BANF2: variants seen among roughly 807,000 people sequenced by gnomAD.
The protein encoded by BANF2 is barrier-to-autointegration factor-like protein.
BANF2 carries 4 observed loss-of-function variants against 8.0 expected under a neutral mutation model. The ratio of observed to expected loss-of-function variants is 0.50; its 90% CI spans 0.25 to 1.14. The LOEUF (loss-of-function observed/expected upper bound fraction) is 1.14, where lower values mean the gene tolerates loss of function less well. Ranked by LOEUF, BANF2 falls within the 50% of genes most tolerant of loss-of-function variation. The pLI is 0.16. For missense variants in BANF2, 96 were observed against 107.5 expected (o/e 0.89, Z 0.47); for synonymous variants, 50 against 40.6 (o/e 1.23, Z -0.88).
intron 3 of BANF2, among the ~76,000 whole-genome samples, chr20:17,733,222 A>G (rs2037927758): frequency 6.6e-6 from 1 of 152,196 alleles, no homozygotes. Flanking sequence ...CAGGGGATGC[A>G]TTAGCCTCCA....
chr20:17,708,634 A>G (rs971937217), intron 1 of BANF2, among the ~76,000 whole-genome samples: 1 of 152,104 alleles, frequency 6.6e-6, no homozygotes, highest in South Asian at 2.1e-4. Flanking sequence ...GCGCCCTTGC[A>G]CTGTTTTCTT....
chr20:17,723,515 G>C (rs1451677593), intron 2 of BANF2, among the ~76,000 whole-genome samples: 1 of 152,192 alleles, frequency 6.6e-6, no homozygotes, highest in Non-Finnish European at 1.5e-5. Context: ...GGTAGCATGT[G>C]CTAATAACAC....
intron 3 of BANF2, among the ~76,000 whole-genome samples, chr20:17,725,811 G>T (rs1031363108): frequency 6.6e-6 from 1 of 152,196 alleles, no homozygotes; most frequent in African/African-American, 2.4e-5. Context: ...GCCCGGTCAG[G>T]AGAGGCACCA....
chr20:17,702,324 G>A (rs1284376300), intron 1 of BANF2, among the ~76,000 whole-genome samples: 3 of 152,160 alleles, frequency 2.0e-5, no homozygotes, highest in African/African-American at 2.4e-5. Flanking sequence ...TCACTGGCCC[G>A]GCCCCTCACT....
chr20:17,707,657 G>A (rs111443609), intron 1 of BANF2, among the ~76,000 whole-genome samples: 6,546 of 151,904 alleles, frequency 0.043, 487 homozygotes, highest in African/African-American at 0.15. Context: ...TCGGCTCATT[G>A]CCACATCCAC....
At chr20:17,699,313 C>T (rs1321132025), upstream of BANF2, among the ~76,000 whole-genome samples, 1 of 152,150 alleles carries the variant, frequency 6.6e-6, no homozygotes, top group Admixed American at 6.5e-5. Flanking sequence ...TCTTTTTAGG[C>T]TTAGTAAATA....
At chr20:17,725,267 G>T in intron 3 of BANF2, 116 bp downstream of exon 3, 2 of 1,323,628 alleles carry the variant, frequency 1.5e-6, no homozygotes, top group Non-Finnish European at 1.0e-6. Context: ...GAGCAAAGCT[G>T]CCGCTTGGCG....
Position 17,729,916 on chromosome 20 carries a change from C to T in BANF2, c.126+4765C>T, listed in dbSNP as rs555264684. On this transcript the variant is annotated intron_variant, in intron 3 of 3. Coordinates refer to ENST00000246090, the MANE Select transcript of BANF2 (RefSeq NM_178477.5). ...CCCCACCTATGGGTAGGTGAATTTT[C>T]AGACATCCCCCGAATGCAGAACTGT... 2.6e-5 allele frequency among the ~76,000 whole-genome samples: 4 copies of T among 152,334 alleles called. No individual in the cohort carries two copies. The East Asian group carries it at 7.7e-4, about 29-fold the overall frequency.
At chr20:17,718,391 G>T (rs190087983) in intron 1 of BANF2, among the ~76,000 whole-genome samples, 1 of 152,038 alleles carries the variant, frequency 6.6e-6, no homozygotes, top group African/African-American at 2.4e-5. Flanking sequence ...TTTTAGTAGA[G>T]ACAGGGCTGC....
At chr20:17,731,019 G>C (rs944115359) in intron 3 of BANF2, among the ~76,000 whole-genome samples, 2 of 152,342 alleles carry the variant, frequency 1.3e-5, no homozygotes, top group African/African-American at 4.8e-5. Flanking sequence ...GCTCCTGCCT[G>C]TAATCCCAGA....
At chr20:17,728,821 A>G (rs1343813560) in intron 3 of BANF2, among the ~76,000 whole-genome samples, 3 of 152,094 alleles carry the variant, frequency 2.0e-5, no homozygotes, top group African/African-American at 7.3e-5. Context: ...AGATCCAGAC[A>G]GCGGCCGCAG....
intron 1 of BANF2, among the ~76,000 whole-genome samples, chr20:17,702,751 C>A (rs892446005): frequency 1.3e-5 from 2 of 152,190 alleles, no homozygotes; most frequent in East Asian, 1.9e-4. Context: ...TGACCTTGAA[C>A]CCTGGTTCTG....
intron 1 of BANF2, among the ~76,000 whole-genome samples, chr20:17,711,585 C>G (rs2037574141): frequency 6.6e-6 from 1 of 152,148 alleles, no homozygotes; most frequent in Non-Finnish European, 1.5e-5. Flanking sequence ...ACCTGACCCC[C>G]TGGGGGGCTC....
At chr20:17,716,220 C>T (rs561741378) in intron 1 of BANF2, among the ~76,000 whole-genome samples, 1 of 152,380 alleles carries the variant, frequency 6.6e-6, no homozygotes, top group South Asian at 2.1e-4. Context: ...GGCATTTCTC[C>T]CTCCGGTGTA....
At chr20:17,728,555 T>C (rs553595863) in intron 3 of BANF2, among the ~76,000 whole-genome samples, 27 of 152,326 alleles carry the variant, frequency 1.8e-4, no homozygotes, top group African/African-American at 6.0e-4. Context: ...CTTTCAGCTT[T>C]TTTTAATGGA....
chr20:17,704,276 A>C (rs866242216), intron 1 of BANF2, among the ~76,000 whole-genome samples: 4 of 152,234 alleles, frequency 2.6e-5, no homozygotes, highest in Admixed American at 1.3e-4. Flanking sequence ...TTGATCATGC[A>C]CATGGGCCAT....
At chr20:17,710,446 G>C (rs182621913) in intron 1 of BANF2, among the ~76,000 whole-genome samples, 1 of 152,184 alleles carries the variant, frequency 6.6e-6, no homozygotes, top group African/African-American at 2.4e-5. Flanking sequence ...TGCAGAATTC[G>C]TTTTGAGGAC....
chr20:17,716,871 G>A (rs1366886493), intron 1 of BANF2, among the ~76,000 whole-genome samples: 2 of 150,168 alleles, frequency 1.3e-5, no homozygotes, highest in African/African-American at 4.9e-5. Flanking sequence ...AGAAAGAAAG[G>A]AAGAAAGAAA....
chr20:17,712,070 C>G (rs896623285), intron 1 of BANF2: 1 of 152,624 alleles, frequency 6.6e-6, no homozygotes, highest in Non-Finnish European at 1.5e-5. Context: ...CCCACGGAAT[C>G]TGCAGGATGA....
Sources: allele counts gnomAD v4.1 joint callset (sites outside exome capture counted in the v4.1 genomes callset), GRCh38; gene constraint gnomAD v4.1.1; transcripts MANE v1.5; gene names NCBI Gene and HGNC (gene_info 2026-07-23, HGNC 2026-07-21).